DCC: variants seen among roughly 807,000 people sequenced by gnomAD.
DCC encodes the protein DCC netrin 1 receptor.
Under a neutral mutation model 172.5 loss-of-function variants are expected in DCC, and 58 were observed. The ratio of observed to expected loss-of-function variants is 0.34; its 90% CI spans 0.27 to 0.42. The LOEUF is 0.42. DCC is among the 10% of genes least tolerant of loss of function. DCC has a pLI of 1.00. For missense variants in DCC, 1,740 were observed against 1,791.0 expected, an observed-to-expected ratio of 0.97 and a Z score of 0.51; for synonymous variants, 709 against 644.5, an observed-to-expected ratio of 1.10 and a Z score of -1.52.
In DCC at chr18:53,351,383, A is replaced by T. The variant is rs1159785555; in HGVS notation, c.2359+11476A>T. ...ATATATATACTGTATATATATATAC[A>T]GTATATATATATACAGTGTATATAT... On this transcript the variant is annotated intron_variant, in intron 15 of 28. Coordinates refer to ENST00000442544, the MANE Select transcript of DCC (RefSeq NM_005215.4). 3.8e-3 allele frequency among the ~76,000 whole-genome samples: 134 copies of T among 35,074 alleles called. 6 individuals are homozygous for T. The highest frequency in any genetic ancestry group is 0.012 in the African/African-American group (119 of 9,758). 23.0% of individuals were successfully genotyped at this position (35,074 alleles called of 152,430 possible). A position where few individuals can be genotyped will look rare whatever the true frequency, so the allele number is the denominator to read the frequency against.
At chr18:52,635,109 A>G (rs1286226142) in intron 1 of DCC, among the ~76,000 whole-genome samples, 1 of 152,200 alleles carries the variant, frequency 6.6e-6, no homozygotes, top group Non-Finnish European at 1.5e-5. Context: ...TTGACAAATA[A>G]TGTCTAGGGC....
At chr18:52,440,940 A>G (rs1987952470) in intron 1 of DCC, among the ~76,000 whole-genome samples, 1 of 152,228 alleles carries the variant, frequency 6.6e-6, no homozygotes, top group African/African-American at 2.4e-5. Context: ...AGTGCAATGG[A>G]AATCTACTTT....
At chr18:53,090,780 A>G (rs1268208724) in intron 7 of DCC, among the ~76,000 whole-genome samples, 3 of 148,518 alleles carry the variant, frequency 2.0e-5, no homozygotes, top group Middle Eastern at 3.3e-3. Context: ...AAGCAGTTCA[A>G]TTGAGTTACA....
At chr18:53,351,295 A>ATATATATGTG (rs1216188822) in intron 15 of DCC, among the ~76,000 whole-genome samples, 1 of 24,162 alleles carries the variant, frequency 4.1e-5, no homozygotes, top group Non-Finnish European at 1.2e-4. Flanking sequence ...AGTACAGTAT[A>ATATATATGTG]TATATATATA....
chr18:52,647,757 T>C (rs2035046276), intron 1 of DCC, among the ~76,000 whole-genome samples: 1 of 152,234 alleles, frequency 6.6e-6, no homozygotes. Context: ...TTGTAATGTT[T>C]TCTAAAGTAG....
At position 52,676,779 on chromosome 18, in the gene DCC, C is replaced by A. The variant is rs951104682; in HGVS notation, c.92-75275C>A. Among the ~76,000 whole-genome samples, 3 of 152,202 alleles carry A rather than the reference C, an allele frequency of 2.0e-5. No individual in the cohort carries two copies. The East Asian group carries it at 5.8e-4, about 29-fold the overall frequency. On this transcript the variant is annotated intron_variant, in intron 1 of 28. Coordinates refer to ENST00000442544, the MANE Select transcript of DCC (RefSeq NM_005215.4). ...TCTTGGGTTTGCTTTCTTTTAGGAG[C>A]CAGTGGACCTTAATTCACACAGCTT...
At chr18:52,344,945 A>C (rs1256947119) in intron 1 of DCC, among the ~76,000 whole-genome samples, 1 of 152,176 alleles carries the variant, frequency 6.6e-6, no homozygotes, top group Non-Finnish European at 1.5e-5. Flanking sequence ...CTTTGGTGTG[A>C]ATTATGATAG....
intron 7 of DCC, among the ~76,000 whole-genome samples, chr18:53,135,510 A>G (rs4349221): frequency 0.31 from 47,164 of 151,994 alleles, 9,138 homozygotes; most frequent in East Asian, 0.59. Flanking sequence ...GATTGCAGGA[A>G]TTATTTTCTG....
chr18:53,250,372 T>G (rs1294325165), intron 12 of DCC, among the ~76,000 whole-genome samples: 1 of 125,990 alleles, frequency 7.9e-6, no homozygotes, highest in Admixed American at 9.3e-5. Context: ...GATAAATGAC[T>G]GCACCCTGAA....
intron 1 of DCC, among the ~76,000 whole-genome samples, chr18:52,640,781 C>T (rs1334142486): frequency 6.6e-6 from 1 of 152,052 alleles, no homozygotes; most frequent in Non-Finnish European, 1.5e-5. Context: ...TGAAAAATGA[C>T]CATACTGCCA....
intron 1 of DCC, among the ~76,000 whole-genome samples, chr18:52,652,214 G>GAGGA (rs2035146448): frequency 6.6e-6 from 1 of 152,160 alleles, no homozygotes; most frequent in South Asian, 2.1e-4. Flanking sequence ...CAAAGTAAGG[G>GAGGA]AGGAGGGAGC....
chr18:53,013,843 T>C (rs1247340798), intron 5 of DCC, among the ~76,000 whole-genome samples: 3 of 152,150 alleles, frequency 2.0e-5, no homozygotes, highest in Non-Finnish European at 4.4e-5. Flanking sequence ...TTTCAAATTA[T>C]AGATTATTGT....
intron 1 of DCC, among the ~76,000 whole-genome samples, chr18:52,535,197 A>C (rs2032255344): frequency 6.6e-6 from 1 of 152,194 alleles, no homozygotes; most frequent in Non-Finnish European, 1.5e-5. Context: ...ATCACTTTCC[A>C]CTGTGGAATC....
At chr18:52,630,147 C>G (rs920562399) in intron 1 of DCC, among the ~76,000 whole-genome samples, 1 of 151,874 alleles carries the variant, frequency 6.6e-6, no homozygotes, top group Admixed American at 6.6e-5. Flanking sequence ...TTTAATAAAA[C>G]CTTTGCAAGA....
chr18:52,814,744 A>T (rs371418471), intron 2 of DCC, among the ~76,000 whole-genome samples: 1 of 152,216 alleles, frequency 6.6e-6, no homozygotes, highest in Admixed American at 6.5e-5. Context: ...TCTTAAACTC[A>T]GTTATGATGG....
chr18:53,032,716 G>A (rs1298423698), intron 5 of DCC, among the ~76,000 whole-genome samples: 1 of 152,144 alleles, frequency 6.6e-6, no homozygotes, highest in Admixed American at 6.6e-5. Context: ...TATACTCTGA[G>A]CTACTGTGAG....
intron 23 of DCC, among the ~76,000 whole-genome samples, chr18:53,456,750 A>G (rs960454907): frequency 5.3e-5 from 8 of 152,198 alleles, no homozygotes; most frequent in Non-Finnish European, 7.3e-5. Context: ...TACTAGGAGC[A>G]CCTGAATACA....
intron 27 of DCC, among the ~76,000 whole-genome samples, chr18:53,503,316 C>CCACCTGCTGAGTTAA (rs1165338645): frequency 6.6e-6 from 1 of 152,038 alleles, no homozygotes; most frequent in Non-Finnish European, 1.5e-5. Flanking sequence ...TTTTTTCCTT[C>CCACCTGCTGAGTTAA]CACCTGCTGA....
intron 12 of DCC, among the ~76,000 whole-genome samples, chr18:53,299,189 GA>G (rs1456045090): frequency 1.3e-5 from 2 of 152,212 alleles, no homozygotes; most frequent in African/African-American, 4.8e-5. Context: ...GTGTATTTAA[GA>G]CTATGAGTTC....
Sources: gnomAD v4.1 joint callset for allele counts (sites outside exome capture counted in the v4.1 genomes callset) on GRCh38, gnomAD v4.1.1 for gene constraint, MANE v1.5 for transcripts, NCBI Gene and HGNC (gene_info 2026-07-23, HGNC 2026-07-21) for gene names.